The following DST variants were observed in gnomAD, a reference collection of about 807,000 sequenced individuals.
DST encodes dystonin.
Under a neutral mutation model 875.2 loss-of-function variants are expected in DST, and 253 were observed. The ratio of observed to expected loss-of-function variants is 0.29; its 90% CI spans 0.26 to 0.32. DST has a LOEUF of 0.32. Among genes scored for constraint, DST ranks in the 10% least tolerant of loss-of-function variants. The pLI is 1.00. For synonymous variants in DST, 3,124 were observed against 3,197.1 expected (o/e 0.98, Z 0.77); for missense variants, 8,287 against 9,111.6 (o/e 0.91, Z 3.68).
intron 49 of DST, among the ~76,000 whole-genome samples, chr6:56,590,475 G>A (rs911691461): frequency 4.6e-5 from 7 of 152,136 alleles, no homozygotes; most frequent in African/African-American, 7.2e-5. Flanking sequence ...TAAATGATAC[G>A]TATTTCCTAC....
chr6:56,664,618 C>CA (rs1756911199), intron 10 of DST, among the ~76,000 whole-genome samples: 1 of 152,158 alleles, frequency 6.6e-6, no homozygotes, highest in East Asian at 1.9e-4. Flanking sequence ...TCTCCTTACA[C>CA]ACCAGATGTT....
Position 56,624,507 on chromosome 6 carries a change from GGGTGCTCACT to G in DST, c.4929+13_4929+22del. 6.7e-7 allele frequency: 1 copy of G among 1,482,954 alleles called. No homozygotes were observed. The highest frequency in any genetic ancestry group is 9.4e-7 in the Non-Finnish European group (1 of 1,062,056). 91.9% of individuals were successfully genotyped at this position (1,482,954 alleles called of 1,614,324 possible). A position where few individuals can be genotyped will look rare whatever the true frequency, so the allele number is the denominator to read the frequency against. Reference sequence around the variant, plus strand: ...CATCTCTAGCTCCTTTATATTTACAGGGTGCTCACTGTTAATGATTACCTCCTCCTCTTCC... The same window carrying G: ...CATCTCTAGCTCCTTTATATTTACAGGTTAATGATTACCTCCTCCTCTTCC... On this transcript the variant is annotated intron_variant, in intron 36 of 103. Transcript: ENST00000680361.
intron 36 of DST, chr6:56,614,786 T>C: frequency 2.0e-6 from 2 of 1,024,180 alleles, no homozygotes; most frequent in Non-Finnish European, 1.2e-6. Context: ...CTAGAAGATC[T>C]TTGAATTGCT....
chr6:56,785,166 G>A (rs1056702582), intron 4 of DST, among the ~76,000 whole-genome samples: 7 of 151,958 alleles, frequency 4.6e-5, no homozygotes, highest in Non-Finnish European at 1.0e-4. Flanking sequence ...TAGGCTGCTC[G>A]GGGACCCACC....
At chr6:56,587,580 G>A (rs1195945391) in intron 49 of DST, among the ~76,000 whole-genome samples, 2 of 152,070 alleles carry the variant, frequency 1.3e-5, no homozygotes, top group East Asian at 3.9e-4. Context: ...GATACTCCTC[G>A]AGAGGAGCAA....
intron 61 of DST, among the ~76,000 whole-genome samples, chr6:56,548,473 G>T (rs2097265617): frequency 6.6e-6 from 1 of 152,196 alleles, no homozygotes; most frequent in East Asian, 1.9e-4. Flanking sequence ...GAATTACTGG[G>T]AGGCATTCCT....
intron 3 of DST, among the ~76,000 whole-genome samples, chr6:56,876,390 C>T (rs2127623083): frequency 6.6e-6 from 1 of 152,296 alleles, no homozygotes; most frequent in Non-Finnish European, 1.5e-5. Flanking sequence ...ACTGAACCAA[C>T]TCTGAGACCT....
chr6:56,843,132 A>G, intron 4 of DST: 1 of 1,567,738 alleles, frequency 6.4e-7, no homozygotes, highest in Non-Finnish European at 8.7e-7. Context: ...AGCAGGGGAG[A>G]GGTAACCCGC....
intron 15 of DST, among the ~76,000 whole-genome samples, chr6:56,645,202 G>A (rs1380700597): frequency 6.6e-6 from 1 of 152,166 alleles, no homozygotes; most frequent in Non-Finnish European, 1.5e-5. Flanking sequence ...TAGACTTCAT[G>A]GCTAATGAGG....
chr6:56,547,545 G>A (rs1270011920), intron 61 of DST, among the ~76,000 whole-genome samples: 1 of 152,108 alleles, frequency 6.6e-6, no homozygotes, highest in Non-Finnish European at 1.5e-5. Flanking sequence ...AACCTCTTCT[G>A]CAACAGTTTT....
intron 2 of DST, among the ~76,000 whole-genome samples, chr6:56,909,622 CTT>C (rs1281445509): frequency 1.3e-5 from 2 of 152,222 alleles, no homozygotes; most frequent in East Asian, 3.8e-4. Context: ...GGTTCTCAAA[CTT>C]TATCAAGCAT....
chr6:56,832,639 A>G (rs1253699901), intron 4 of DST, among the ~76,000 whole-genome samples: 1 of 152,038 alleles, frequency 6.6e-6, no homozygotes, highest in East Asian at 1.9e-4. Flanking sequence ...ATGCCTCTAT[A>G]GCACAAACTA....
chr6:56,494,247 G>A (rs1181625410), intron 82 of DST, 67 bp from the exon 83 acceptor site: 8 of 1,439,710 alleles, frequency 5.6e-6, no homozygotes, highest in Non-Finnish European at 7.5e-6. Context: ...TATTTTTCTA[G>A]GTCATCAGTC....
chr6:56,468,368 A>C (rs1286919400), intron 98 of DST, among the ~76,000 whole-genome samples: 1 of 152,232 alleles, frequency 6.6e-6, no homozygotes, highest in African/African-American at 2.4e-5. Context: ...AAGATTCTGC[A>C]TATATTATAG....
intron 23 of DST, 135 bp downstream of exon 23, chr6:56,636,422 A>C: frequency 1.5e-6 from 1 of 687,440 alleles, no homozygotes; most frequent in South Asian, 1.5e-5. Flanking sequence ...ACACACATAT[A>C]TGTGTATATA....
Position 56,692,472 on chromosome 6 carries a change from T to C in DST, c.1047+7181A>G, listed in dbSNP as rs765491527. The stretch of plus-strand genomic sequence containing the variant: ...TCTTTTTTTTAAACTGAAAATGCTG[T>C]GTTGCATGAGGGCAAAATCTCTCAG... On this transcript the variant is annotated intron_variant, in intron 9 of 103. Coordinates refer to ENST00000680361, the MANE Select transcript of DST (RefSeq NM_001374736.1). 4.6e-5 allele frequency: 59 copies of C among 1,289,688 alleles called. No individual in the cohort carries two copies. In the Middle Eastern group the frequency reaches 6.4e-4, roughly 14 times the overall value. The allele number at this position is 1,289,688 out of a possible 1,614,324, so 79.9% of individuals were successfully genotyped here. A position where few individuals can be genotyped will look rare whatever the true frequency, so the allele number is the denominator to read the frequency against.
Position 56,666,737 on chromosome 6 carries a change from C to CT in DST, c.1214+3903dup, listed in dbSNP as rs111274857. 6.9e-3 allele frequency among the ~76,000 whole-genome samples: 958 copies of CT among 139,466 alleles called. 5 individuals are homozygous for CT. Among genetic ancestry groups the CT allele is most frequent in the South Asian group, 0.02 (86 of 4,354 alleles). The allele number at this position is 139,466 out of a possible 152,430, so 91.5% of individuals were successfully genotyped here. On this transcript the variant is annotated intron_variant, in intron 10 of 103. Transcript: ENST00000680361. ...AACAATTATTAAGTAAAAAACTACT[C>CT]TTTTTTTTTTTTTTTTGAGACAGGG...
At chr6:56,677,639 T>C (rs555010320) in intron 9 of DST, among the ~76,000 whole-genome samples, 2 of 152,322 alleles carry the variant, frequency 1.3e-5, no homozygotes, top group South Asian at 2.1e-4. Flanking sequence ...TGCAGTAGTA[T>C]TGCTTCCTAA....
intron 9 of DST, among the ~76,000 whole-genome samples, chr6:56,687,026 C>T (rs2099191716): frequency 6.6e-6 from 1 of 152,190 alleles, no homozygotes; most frequent in South Asian, 2.1e-4. Flanking sequence ...AGCTAAGTGA[C>T]TCCCCGTAAC....
Sources: gnomAD v4.1 joint callset for allele counts (sites outside exome capture counted in the v4.1 genomes callset) on GRCh38, gnomAD v4.1.1 for gene constraint, MANE v1.5 for transcripts, NCBI Gene and HGNC (gene_info 2026-07-23, HGNC 2026-07-21) for gene names.